NAV1: variants seen among roughly 807,000 people sequenced by gnomAD.
NAV1 encodes the protein neuron navigator 1.
Under a neutral mutation model 175.2 loss-of-function variants are expected in NAV1, and 18 were observed. That is an observed-to-expected ratio of 0.10 (90% CI 0.07 to 0.15). The LOEUF (loss-of-function observed/expected upper bound fraction) is 0.15, where lower values mean the gene tolerates loss of function less well. Among genes scored for constraint, NAV1 ranks in the 10% least tolerant of loss-of-function variants. The pLI is 1.00. For synonymous variants in NAV1, 897 were observed against 978.7 expected, an observed-to-expected ratio of 0.92 and a Z score of 1.56; for missense variants, 1,731 against 2,436.6, an observed-to-expected ratio of 0.71 and a Z score of 6.10.
At chr1:201,634,628 T>C (rs180671459) in intron 2 of NAV1, among the ~76,000 whole-genome samples, 2 of 152,256 alleles carry the variant, frequency 1.3e-5, no homozygotes, top group East Asian at 3.9e-4. Flanking sequence ...GCTATTTCTT[T>C]AGAGGAGTAC....
chr1:201,551,420 G>T (rs1195989456), intron 1 of NAV1, among the ~76,000 whole-genome samples: 1 of 152,118 alleles, frequency 6.6e-6, no homozygotes, highest in Admixed American at 6.5e-5. Flanking sequence ...GTAGAGACAA[G>T]GTCTTGCTAT....
At chr1:201,784,913 C>T (rs890077610) in intron 7 of NAV1, among the ~76,000 whole-genome samples, 10 of 151,944 alleles carry the variant, frequency 6.6e-5, no homozygotes, top group Non-Finnish European at 1.2e-4. Flanking sequence ...GGACTACAGG[C>T]GCCCACCACT....
intron 2 of NAV1, among the ~76,000 whole-genome samples, chr1:201,608,040 T>C (rs1667739316): frequency 6.6e-6 from 1 of 152,138 alleles, no homozygotes; most frequent in South Asian, 2.1e-4. Flanking sequence ...CCAAGTTTTT[T>C]CTAATGCACA....
chr1:201,599,864 A>G (rs1266802453), intron 2 of NAV1, among the ~76,000 whole-genome samples: 4 of 152,304 alleles, frequency 2.6e-5, no homozygotes, highest in African/African-American at 7.2e-5. Context: ...GGAAAAAACA[A>G]CACTTTATTT....
At chr1:201,582,723 G>A (rs967585890) in intron 1 of NAV1, among the ~76,000 whole-genome samples, 2 of 152,252 alleles carry the variant, frequency 1.3e-5, no homozygotes, top group Admixed American at 6.5e-5. Context: ...GGGCTTACGT[G>A]AGGAAGCCTG....
intron 1 of NAV1, among the ~76,000 whole-genome samples, chr1:201,625,543 T>C (rs1668305122): frequency 6.6e-6 from 1 of 152,226 alleles, no homozygotes; most frequent in African/African-American, 2.4e-5. Flanking sequence ...GCACTGATGC[T>C]TCTTTTCCTA....
upstream of NAV1, among the ~76,000 whole-genome samples, chr1:201,647,594 C>T (rs1351628583): frequency 1.3e-5 from 2 of 152,150 alleles, no homozygotes; most frequent in Non-Finnish European, 2.9e-5. Flanking sequence ...AGCCCTCAGC[C>T]CCCTCCCCAG....
intron 3 of NAV1, among the ~76,000 whole-genome samples, chr1:201,719,172 C>T (rs1249847634): frequency 1.3e-5 from 2 of 149,250 alleles, no homozygotes; most frequent in Admixed American, 1.3e-4. Flanking sequence ...AAAAAAAAAA[C>T]CAAAAAGGTT....
At chr1:201,720,592 G>A (rs115668646) in intron 3 of NAV1, among the ~76,000 whole-genome samples, 3 of 152,172 alleles carry the variant, frequency 2.0e-5, no homozygotes, top group African/African-American at 7.2e-5. Flanking sequence ...CAGGACTTCC[G>A]GCTCTTAACT....
intron 1 of NAV1, among the ~76,000 whole-genome samples, chr1:201,649,994 G>C (rs911155738): frequency 3.3e-5 from 5 of 152,326 alleles, no homozygotes; most frequent in Middle Eastern, 3.4e-3. Flanking sequence ...TCTAGGGCCG[G>C]GGGCGGGCGG....
At chr1:201,700,937 G>T (rs1461064322) in intron 1 of NAV1, among the ~76,000 whole-genome samples, 1 of 149,466 alleles carries the variant, frequency 6.7e-6, no homozygotes, top group Non-Finnish European at 1.5e-5. Flanking sequence ...TGTGAACCCG[G>T]GAGGCAGAGC....
chr1:201,739,790 A>G, intron 3 of NAV1: 1 of 1,221,506 alleles, frequency 8.2e-7, no homozygotes, highest in Non-Finnish European at 1.0e-6. Flanking sequence ...GGGGCTCGGG[A>G]CAGAAGTCAG....
At chr1:201,559,643 T>C (rs1335958327) in intron 1 of NAV1, among the ~76,000 whole-genome samples, 1 of 151,952 alleles carries the variant, frequency 6.6e-6, no homozygotes, top group African/African-American at 2.4e-5. Context: ...TTAGCCTCCT[T>C]TCTCCTGTGC....
chr1:201,649,926 C>G (rs1398695770), intron 1 of NAV1, among the ~76,000 whole-genome samples: 4 of 151,476 alleles, frequency 2.6e-5, no homozygotes, highest in Admixed American at 2.6e-4. Flanking sequence ...CTGTGGATCC[C>G]GAGTGGGAGC....
intron 2 of NAV1, among the ~76,000 whole-genome samples, chr1:201,593,214 C>G (rs1462776535): frequency 6.6e-6 from 1 of 152,192 alleles, no homozygotes; most frequent in South Asian, 2.1e-4. Context: ...CCTTAGGTAA[C>G]TGATGCCTTT....
chr1:201,662,712 TCTC>T (rs1174138977), intron 1 of NAV1, among the ~76,000 whole-genome samples: 2 of 152,000 alleles, frequency 1.3e-5, no homozygotes, highest in African/African-American at 4.8e-5. Flanking sequence ...TATTTCCACT[TCTC>T]CTGCAGGCCT....
intron 2 of NAV1, among the ~76,000 whole-genome samples, chr1:201,601,988 T>C (rs1667527899): frequency 1.3e-5 from 2 of 152,096 alleles, no homozygotes; most frequent in African/African-American, 4.8e-5. Flanking sequence ...CTGCCCCCTC[T>C]CTGGAGCACC....
intron 1 of NAV1, among the ~76,000 whole-genome samples, chr1:201,547,113 A>C (rs1025573959): frequency 1.3e-5 from 2 of 151,042 alleles, no homozygotes; most frequent in African/African-American, 2.4e-5. Context: ...CAGCCTCCCG[A>C]GTAGCTGGGA....
chr1:201,804,082 A>C, intron 16 of NAV1: 1 of 478,976 alleles, frequency 2.1e-6, no homozygotes. Flanking sequence ...TTTTATGAAC[A>C]AAGCTGTTCA....
Sources: gnomAD v4.1 joint callset for allele counts (sites outside exome capture counted in the v4.1 genomes callset) on GRCh38, gnomAD v4.1.1 for gene constraint, MANE v1.5 for transcripts, NCBI Gene and HGNC (gene_info 2026-07-23, HGNC 2026-07-21) for gene names.